Variants in TLL2 observed in about 807,000 individuals in gnomAD.
The protein encoded by TLL2 is tolloid-like protein 2.
In TLL2, 106 loss-of-function variants were observed where a neutral mutation model predicts 123.0. The ratio of observed to expected loss-of-function variants is 0.86; its 90% CI spans 0.74 to 1.01. TLL2 has a LOEUF of 1.01. TLL2 is among the 50% of genes least tolerant of loss of function. The probability of loss-of-function intolerance (pLI) is 0.00; values close to 1 mark genes in which losing one functional copy is unlikely to be tolerated. For synonymous variants in TLL2, 494 were observed against 516.8 expected, an observed-to-expected ratio of 0.96 and a Z score of 0.60; for missense variants, 1,332 against 1,336.7, an observed-to-expected ratio of 1.00 and a Z score of 0.06.
At chr10:96,492,684 A>C (rs568237187) in intron 1 of TLL2, among the ~76,000 whole-genome samples, 1 of 152,252 alleles carries the variant, frequency 6.6e-6, no homozygotes, top group African/African-American at 2.4e-5. Flanking sequence ...CACATTCTAA[A>C]AGTTACTAAG....
intron 13 of TLL2, among the ~76,000 whole-genome samples, chr10:96,393,868 G>C (rs1305526357): frequency 6.6e-6 from 1 of 151,868 alleles, no homozygotes; most frequent in African/African-American, 2.4e-5. Flanking sequence ...AAAAATAACA[G>C]CCCCACCCCT....
At chr10:96,392,485 A>T (rs1846298935) in intron 13 of TLL2, among the ~76,000 whole-genome samples, 1 of 151,930 alleles carries the variant, frequency 6.6e-6, no homozygotes, top group Non-Finnish European at 1.5e-5. Flanking sequence ...GACAAGCCTA[A>T]TCTCCAGCTT....
chr10:96,474,001 T>C (rs1847211842), intron 2 of TLL2, among the ~76,000 whole-genome samples: 1 of 152,080 alleles, frequency 6.6e-6, no homozygotes, highest in Admixed American at 6.6e-5. Flanking sequence ...CGCGCCTGTG[T>C]GTGTGTCTGT....
At chr10:96,454,280 A>G (rs1254634882) in intron 2 of TLL2, among the ~76,000 whole-genome samples, 2 of 152,202 alleles carry the variant, frequency 1.3e-5, no homozygotes, top group African/African-American at 4.8e-5. Context: ...CTGAGATCCC[A>G]TCTCCCATTC....
At chr10:96,394,575 G>A (rs967671668) in intron 13 of TLL2, among the ~76,000 whole-genome samples, 1 of 152,154 alleles carries the variant, frequency 6.6e-6, no homozygotes, top group Non-Finnish European at 1.5e-5. Flanking sequence ...TCCCAACCCC[G>A]ATCATGTGGG....
At chr10:96,457,330 C>T (rs538860943) in intron 2 of TLL2, among the ~76,000 whole-genome samples, 3 of 152,174 alleles carry the variant, frequency 2.0e-5, no homozygotes, top group South Asian at 2.1e-4. Flanking sequence ...TAGGACTGCC[C>T]GGAACTCACC....
chr10:96,504,976 C>A (rs1847565595), intron 1 of TLL2, among the ~76,000 whole-genome samples: 1 of 152,150 alleles, frequency 6.6e-6, no homozygotes, highest in Non-Finnish European at 1.5e-5. Context: ...CCGCTGCACT[C>A]CAGCCTGGGC....
intron 10 of TLL2, among the ~76,000 whole-genome samples, chr10:96,403,860 A>G (rs55644716): frequency 0.011 from 1,726 of 150,880 alleles, 13 homozygotes; most frequent in Non-Finnish European, 0.012. Context: ...GGTGGGAGGC[A>G]AGATATGTTT....
intron 14 of TLL2, 97 bp from the exon 15 acceptor site, chr10:96,386,312 A>G: frequency 7.9e-7 from 1 of 1,272,478 alleles, no homozygotes; most frequent in Non-Finnish European, 1.1e-6. Flanking sequence ...TTCTGTAATA[A>G]TTTTAAAATG....
chr10:96,487,508 CACTT>C (rs901134248), intron 1 of TLL2, among the ~76,000 whole-genome samples: 24 of 152,178 alleles, frequency 1.6e-4, no homozygotes, highest in African/African-American at 5.8e-4. Context: ...ACTCATCTAA[CACTT>C]ACTGAGGCAG....
intron 2 of TLL2, among the ~76,000 whole-genome samples, chr10:96,465,507 G>A (rs1221680104): frequency 6.6e-6 from 1 of 152,196 alleles, no homozygotes; most frequent in Non-Finnish European, 1.5e-5. Flanking sequence ...ATTACAACAG[G>A]TGATAGAGAC....
At chr10:96,505,291 C>T (rs1418477705) in intron 1 of TLL2, among the ~76,000 whole-genome samples, 1 of 152,158 alleles carries the variant, frequency 6.6e-6, no homozygotes, top group Admixed American at 6.5e-5. Context: ...AGGAAACCAC[C>T]CCCATGATCC....
At chr10:96,392,203 T>C (rs866463589) in intron 13 of TLL2, among the ~76,000 whole-genome samples, 2 of 152,176 alleles carry the variant, frequency 1.3e-5, no homozygotes, top group Non-Finnish European at 2.9e-5. Context: ...CCAGCTATCA[T>C]GGTTACTTGA....
At chr10:96,508,338 G>A (rs553676517) in intron 1 of TLL2, among the ~76,000 whole-genome samples, 2 of 152,320 alleles carry the variant, frequency 1.3e-5, no homozygotes, top group South Asian at 4.1e-4. Context: ...AGGGCTCTTG[G>A]TGAGCCCCAA....
chr10:96,384,639 G>A lies in TLL2; in HGVS notation c.2142C>T (p.Phe714=), dbSNP rs1846214150. 9 of 1,611,306 alleles carry A rather than the reference G, an allele frequency of 5.6e-6. No homozygotes were observed. Among genetic ancestry groups the A allele is most frequent in the Non-Finnish European group, 7.6e-6 (9 of 1,178,182 alleles). The change falls in exon 16 of 21, where the codon TTC becomes TTT. Residue 714 remains phenylalanine (F), a synonymous_variant. Transcript: ENST00000357947. ...TSQSNNMRVE[F]KSDNTVSKRG... ...GCTTGGAGACGGTGTTGTCGGACTTGAACTCCACGCGCATGTTGTTGCTCT... is the reference window on the plus strand; with the variant it reads ...GCTTGGAGACGGTGTTGTCGGACTTAAACTCCACGCGCATGTTGTTGCTCT...
At chr10:96,479,922 C>T (rs1317877913) in intron 2 of TLL2, among the ~76,000 whole-genome samples, 2 of 152,236 alleles carry the variant, frequency 1.3e-5, no homozygotes, top group Non-Finnish European at 2.9e-5. Flanking sequence ...CTTCAAGACA[C>T]CACACACAAG....
chr10:96,395,147 T>C (rs1846325317), intron 13 of TLL2, 40 bp downstream of exon 13: 3 of 1,555,206 alleles, frequency 1.9e-6, no homozygotes, highest in Non-Finnish European at 2.6e-6. Flanking sequence ...GCAATATTTC[T>C]TCTTGTGCCT....
In TLL2 at chr10:96,506,799, CT is replaced by C. The variant is rs771006894; in HGVS notation, c.175+6711del. On this transcript the variant is annotated intron_variant, in intron 1 of 20. Transcript: ENST00000357947. ...AGGGAAGGGTGTGCTGCACTGATCA[CT>C]ACACTACTGGGCGGGAGAGAAAAGG... Among the ~76,000 whole-genome samples the C allele has an allele frequency of 3.2e-4, 48 of 152,200 alleles. 1 individual carries two copies. Among genetic ancestry groups the C allele is most frequent in the Middle Eastern group, 3.4e-3 (1 of 294 alleles).
chr10:96,376,921 C>G, intron 17 of TLL2, 102 bp from the exon 18 acceptor site: 2 of 1,303,576 alleles, frequency 1.5e-6, no homozygotes, highest in South Asian at 1.8e-5. Context: ...CTAATTGTCT[C>G]AGGGTCTTTA....
Sources: gnomAD v4.1 joint callset for allele counts (sites outside exome capture counted in the v4.1 genomes callset) on GRCh38, gnomAD v4.1.1 for gene constraint, MANE v1.5 for transcripts, NCBI Gene and HGNC (gene_info 2026-07-23, HGNC 2026-07-21) for gene names.